Variants in UBE2Q2 observed in about 807,000 individuals in gnomAD.
UBE2Q2 encodes ubiquitin conjugating enzyme E2 Q2.
A neutral mutation model predicts 59.9 loss-of-function variants in UBE2Q2; 54 were observed. The observed-to-expected ratio is 0.90, with a 90% CI of 0.72 to 1.13. The LOEUF (loss-of-function observed/expected upper bound fraction) is 1.13, where lower values mean the gene tolerates loss of function less well. Ranked by LOEUF, UBE2Q2 falls within the 50% of genes most tolerant of loss-of-function variation. UBE2Q2 has a pLI of 0.00. For synonymous variants in UBE2Q2, 165 were observed against 155.2 expected (o/e 1.06, Z -0.47); for missense variants, 433 against 441.9 (o/e 0.98, Z 0.18).
intron 2 of UBE2Q2, among the ~76,000 whole-genome samples, chr15:75,856,293 A>ATATATATATATATATATAT (rs1896913041): frequency 5.0e-5 from 7 of 139,196 alleles, no homozygotes; most frequent in African/African-American, 1.9e-4. Flanking sequence ...ATATATATAT[A>ATATATATATATATATATAT]ATGAATTTCA....
intron 4 of UBE2Q2, among the ~76,000 whole-genome samples, 199 bp downstream of exon 4, chr15:75,869,209 T>C (rs992210139): frequency 2.0e-5 from 3 of 152,258 alleles, no homozygotes; most frequent in African/African-American, 7.2e-5. Flanking sequence ...CTGAATTCTT[T>C]GGATTTGATT....
chr15:75,870,779 A>G (rs1897743346), intron 4 of UBE2Q2, among the ~76,000 whole-genome samples: 1 of 152,206 alleles, frequency 6.6e-6, no homozygotes, highest in African/African-American at 2.4e-5. Flanking sequence ...ATGAAAAAAC[A>G]AGATTGGCTA....
chr15:75,888,760 A>G (rs552004165), intron 9 of UBE2Q2, among the ~76,000 whole-genome samples: 8 of 152,354 alleles, frequency 5.3e-5, no homozygotes, highest in Admixed American at 1.3e-4. Flanking sequence ...CTTGTGTTCA[A>G]CAAACATTTG....
In UBE2Q2 at chr15:75,883,375, C is replaced by A; in HGVS notation, c.835C>A (p.Pro279Thr). Residue 279 changes from proline to threonine, a missense_variant, in exon 9 of 13, where the codon CCA (proline) becomes ACA (threonine). Physicochemically the swap from Pro to Thr is conservative, Grantham distance 38. Transcript: ENST00000267938. The part of the protein sequence containing the change: ...LLNFSFKDNF[P>T]FDPPFVRVVL... ...CTTATTTGCTTTTTAGGATAACTTTCCATTTGATCCTCCATTTGTTCGAGT... is the reference window on the plus strand; with the variant it reads ...CTTATTTGCTTTTTAGGATAACTTTACATTTGATCCTCCATTTGTTCGAGT... 1 of 1,613,052 alleles carries A rather than the reference C, an allele frequency of 6.2e-7. No individual in the cohort carries two copies. The highest frequency in any genetic ancestry group is 1.3e-5 in the African/African-American group (1 of 74,968).
chr15:75,857,601 CCT>C (rs1256886238), intron 2 of UBE2Q2, among the ~76,000 whole-genome samples: 1 of 152,108 alleles, frequency 6.6e-6, no homozygotes, highest in Non-Finnish European at 1.5e-5. Flanking sequence ...ACTAGCGGCT[CCT>C]CTCTTAGTCC....
intron 5 of UBE2Q2, among the ~76,000 whole-genome samples, chr15:75,874,631 A>C (rs1320996902): frequency 6.6e-6 from 1 of 152,178 alleles, no homozygotes. Flanking sequence ...TGAAAAGAAC[A>C]CTGAGTCTGG....
chr15:75,893,835 A>G (rs1396656609), intron 11 of UBE2Q2, among the ~76,000 whole-genome samples: 1 of 152,226 alleles, frequency 6.6e-6, no homozygotes, highest in Non-Finnish European at 1.5e-5. Flanking sequence ...AAAAAGTAAA[A>G]TGAAATTTTA....
chr15:75,844,991 A>G (rs1245041260), intron 1 of UBE2Q2, among the ~76,000 whole-genome samples: 1 of 152,086 alleles, frequency 6.6e-6, no homozygotes, highest in Non-Finnish European at 1.5e-5. Context: ...CAAGTGCTGT[A>G]CTGAGGAGAT....
rs369416295 is a variant in UBE2Q2, at chr15:75,890,498, G to T, written c.933+15G>T. ...TCACAAAACAGGTGACTTTTCTTAC[G>T]ATACTCCATTTTCACCCACAATTTA... On this transcript the variant is annotated intron_variant, in intron 10 of 12. Coordinates refer to ENST00000267938, the MANE Select transcript of UBE2Q2 (RefSeq NM_173469.4). 3 of 1,606,070 alleles carry T rather than the reference G, an allele frequency of 1.9e-6. No individual in the cohort carries two copies. The highest frequency in any genetic ancestry group is 1.3e-5 in the African/African-American group (1 of 74,564).
chr15:75,882,130 A>C (rs1479669700), intron 8 of UBE2Q2, among the ~76,000 whole-genome samples: 1 of 152,218 alleles, frequency 6.6e-6, no homozygotes, highest in Non-Finnish European at 1.5e-5. Flanking sequence ...TTTTCAACTC[A>C]ATGTGAGGAA....
chr15:75,872,539 T>C (rs892787083), intron 4 of UBE2Q2, among the ~76,000 whole-genome samples: 20 of 145,812 alleles, frequency 1.4e-4, no homozygotes, highest in Non-Finnish European at 3.0e-5. Flanking sequence ...TTTCCTTTTT[T>C]TTTTTTTTTT....
intron 8 of UBE2Q2, 30 bp downstream of exon 8, chr15:75,879,218 C>T (rs371303974): frequency 1.5e-4 from 195 of 1,315,692 alleles, no homozygotes; most frequent in Non-Finnish European, 2.0e-4. Flanking sequence ...ACCCCATATA[C>T]TTCCAGTGGG....
chr15:75,858,181 G>A (rs1367039398), intron 2 of UBE2Q2, among the ~76,000 whole-genome samples: 1 of 151,974 alleles, frequency 6.6e-6, no homozygotes, highest in African/African-American at 2.4e-5. Context: ...CATTACTTTA[G>A]TCATGATCTC....
chr15:75,883,700 A>G (rs1016859038), intron 9 of UBE2Q2, among the ~76,000 whole-genome samples: 3 of 151,978 alleles, frequency 2.0e-5, no homozygotes, highest in Non-Finnish European at 4.4e-5. Flanking sequence ...GTGGGGCCTG[A>G]GTATTTACAT....
intron 7 of UBE2Q2, 106 bp downstream of exon 7, chr15:75,878,127 A>G (rs1404324212): frequency 2.3e-6 from 2 of 872,066 alleles, no homozygotes; most frequent in Non-Finnish European, 3.5e-6. Flanking sequence ...TTTTACTTAG[A>G]ACTTTAGACT....
chr15:75,879,041 T>TAA (rs372868686), intron 7 of UBE2Q2, 57 bp from the exon 8 acceptor site: 41 of 1,164,318 alleles, frequency 3.5e-5, no homozygotes, highest in East Asian at 5.8e-5. Context: ...TGAGTTTAGT[T>TAA]AAAAAAAAAA....
In UBE2Q2 at chr15:75,854,136, AT is replaced by A. The variant is rs557323389; in HGVS notation, c.181-246del. On this transcript the variant is annotated intron_variant, in intron 1 of 12. Coordinates refer to ENST00000267938, the MANE Select transcript of UBE2Q2 (RefSeq NM_173469.4). ...CCAGGAGGTGATGGTGATCGGGGCC[AT>A]TTTAGAGGCTGCCTACCAGTGTTGA... 2.6e-5 allele frequency among the ~76,000 whole-genome samples: 4 copies of A among 152,166 alleles called. No homozygotes were observed. In the South Asian group the frequency reaches 8.3e-4, roughly 32 times the overall value.
chr15:75,861,714 C>CT (rs1270033051), intron 3 of UBE2Q2, among the ~76,000 whole-genome samples: 1 of 152,162 alleles, frequency 6.6e-6, no homozygotes, highest in African/African-American at 2.4e-5. Flanking sequence ...ACAGTCATAG[C>CT]TTTAAGTTTT....
chr15:75,887,288 A>G lies in UBE2Q2; in HGVS notation c.885-3147A>G, dbSNP rs918580870. Reference sequence around the variant, plus strand: ...AAAGCAGCAAAGAGTTGCTGTGGCAATAGTGACCTGAAGACTTCATGAAGT... The same window carrying G: ...AAAGCAGCAAAGAGTTGCTGTGGCAGTAGTGACCTGAAGACTTCATGAAGT... On this transcript the variant is annotated intron_variant, in intron 9 of 12. Coordinates refer to ENST00000267938, the MANE Select transcript of UBE2Q2 (RefSeq NM_173469.4). Among the ~76,000 whole-genome samples the G allele has an allele frequency of 8.5e-5, 13 of 152,200 alleles. 1 individual carries two copies. Among genetic ancestry groups the G allele is most frequent in the African/African-American group, 2.9e-4 (12 of 41,458 alleles).
Sources: allele counts gnomAD v4.1 joint callset (sites outside exome capture counted in the v4.1 genomes callset), GRCh38; gene constraint gnomAD v4.1.1; transcripts MANE v1.5; gene names NCBI Gene and HGNC (gene_info 2026-07-23, HGNC 2026-07-21).